IKBKB: variants seen among roughly 807,000 people sequenced by gnomAD.
IKBKB encodes the protein inhibitor of nuclear factor kappa B kinase subunit beta, also known as inhibitor of nuclear factor kappa-B kinase subunit beta.
IKBKB carries 42 observed loss-of-function variants against 113.6 expected under a neutral mutation model. The ratio of observed to expected loss-of-function variants is 0.37; its 90% confidence interval spans 0.29 to 0.48. IKBKB has a LOEUF of 0.48. Ranked by LOEUF, IKBKB falls within the 20% of genes least tolerant of loss-of-function variation. The pLI, the probability that IKBKB is intolerant of heterozygous loss-of-function variation, is 0.99. For synonymous variants in IKBKB, 296 were observed against 361.3 expected (o/e 0.82, Z 2.05); for missense variants, 673 against 939.7 (o/e 0.72, Z 3.71).
At chr8:42,298,050 A>T (rs1814271070) in intron 5 of IKBKB, 2 of 980,336 alleles carry the variant, frequency 2.0e-6, no homozygotes, top group Non-Finnish European at 2.4e-6. Flanking sequence ...ACTGCCACGT[A>T]ATGTGACCCT....
rs3810901 is a variant in IKBKB, at chr8:42,301,648, G to A, written c.389-3539G>A. ...GTATTGAAGAATAGATGACCACCCCGAAATGAGGAATAAAGTTTGTTTTGT... is the reference window on the plus strand; with the variant it reads ...GTATTGAAGAATAGATGACCACCCCAAAATGAGGAATAAAGTTTGTTTTGT... On this transcript the variant is annotated intron_variant, in intron 5 of 21. Transcript: ENST00000520810. Among the ~76,000 whole-genome samples, 1,264 of 152,284 alleles carry A rather than the reference G, an allele frequency of 8.3e-3. 19 individuals are homozygous for A. The highest frequency in any genetic ancestry group is 0.068 in the East Asian group (352 of 5,182).
intron 4 of IKBKB, 32 bp from the exon 5 acceptor site, chr8:42,293,399 TTTGTGACCACCA>T: frequency 6.2e-7 from 1 of 1,609,958 alleles, no homozygotes; most frequent in Non-Finnish European, 8.5e-7. Flanking sequence ...TTTCCGGTGG[TTTGTGACCACCA>T]GCTCTGATGC....
chr8:42,290,168 C>G lies in IKBKB; in HGVS notation c.213C>G (p.Pro71=). ...TTCCTCCTCCTAGGCTGACCCACCC[C>G]AATGTGGTGGCTGCCCGAGATGTCC... ...EIQIMRRLTH[P]NVVAARDVPE... The change falls in exon 4 of 22, where the codon CCC becomes CCG. Residue 71 remains proline (P), a synonymous_variant. Coordinates refer to ENST00000520810, the MANE Select transcript of IKBKB (RefSeq NM_001556.3). The G allele has an allele frequency of 6.2e-7, 1 of 1,613,564 alleles. No homozygotes were observed. The highest frequency in any genetic ancestry group is 8.5e-7 in the Non-Finnish European group (1 of 1,179,790).
At chr8:42,292,267 C>T (rs1157578423) in intron 4 of IKBKB, among the ~76,000 whole-genome samples, 1 of 152,210 alleles carries the variant, frequency 6.6e-6, no homozygotes, top group African/African-American at 2.4e-5. Flanking sequence ...TTACAGAGGG[C>T]TCTGAAGTGA....
intron 8 of IKBKB, among the ~76,000 whole-genome samples, chr8:42,312,166 G>A (rs1441478272): frequency 2.0e-5 from 3 of 152,190 alleles, no homozygotes; most frequent in Non-Finnish European, 4.4e-5. Flanking sequence ...GATTACAGGC[G>A]TGAGCCACCG....
chr8:42,321,129 C>T (rs562651688), intron 16 of IKBKB: 1 of 289,610 alleles, frequency 3.5e-6, no homozygotes, highest in Non-Finnish European at 6.4e-6. Flanking sequence ...GCAGCCTCTA[C>T]CCCTGTAGCA....
Position 42,274,789 on chromosome 8 carries a change from C to A in IKBKB, c.105+2584C>A, listed in dbSNP as rs1021611932. ...CTTAGGTGATCCCCGCCGGCGCGCC[C>A]CCCCCCCCCCCCGCCATCCCAGCCT... On this transcript the variant is annotated intron_variant, in intron 2 of 21. Transcript: ENST00000520810. 1.9e-4 allele frequency among the ~76,000 whole-genome samples: 5 copies of A among 26,462 alleles called. 1 individual carries two copies. Among genetic ancestry groups the A allele is most frequent in the African/African-American group, 1.8e-3 (3 of 1,654 alleles). 17.4% of individuals were successfully genotyped at this position (26,462 alleles called of 152,430 possible).
intron 4 of IKBKB, among the ~76,000 whole-genome samples, chr8:42,290,526 C>T (rs1423572028): frequency 1.3e-5 from 2 of 152,078 alleles, no homozygotes; most frequent in African/African-American, 2.4e-5. Flanking sequence ...TGGGATTACT[C>T]CAATGACAAG....
intron 9 of IKBKB, among the ~76,000 whole-genome samples, chr8:42,315,848 A>G (rs921580557): frequency 5.9e-5 from 9 of 152,062 alleles, no homozygotes; most frequent in Non-Finnish European, 1.2e-4. Context: ...TTTTTAGTAG[A>G]GATGGGGTTT....
At chr8:42,312,497 AT>A (rs1817905048) in intron 8 of IKBKB, among the ~76,000 whole-genome samples, 1 of 152,208 alleles carries the variant, frequency 6.6e-6, no homozygotes, top group South Asian at 2.1e-4. Context: ...AAATTTCACT[AT>A]CTTATCTCAG....
At chr8:42,315,725 C>T (rs1246994162) in intron 9 of IKBKB, among the ~76,000 whole-genome samples, 7 of 152,142 alleles carry the variant, frequency 4.6e-5, no homozygotes. Flanking sequence ...CAGTGTGGCA[C>T]AGTCTTGGCT....
Position 42,316,248 on chromosome 8 carries a change from T to C in IKBKB, c.839T>C (p.Met280Thr). 6.2e-7 allele frequency: 1 copy of C among 1,614,134 alleles called. No individual in the cohort carries two copies. The highest frequency in any genetic ancestry group is 8.5e-7 in the Non-Finnish European group (1 of 1,180,006). ...CGACTGGAGAAGTGGCTGCAACTGA[T>C]GCTGATGTGGCACCCCCGACAGAGG... ...AERLEKWLQL[M>T]LMWHPRQRGT... Residue 280 changes from methionine (M) to threonine (T), a missense_variant, in exon 10 of 22, where the codon ATG (methionine) becomes ACG (threonine). Met to Thr is a moderately conservative substitution (Grantham distance 81). This residue lies in a region of IKBKB where 506 missense variants were observed against 638.7 expected (regional missense o/e 0.79). Coordinates refer to ENST00000520810, the MANE Select transcript of IKBKB (RefSeq NM_001556.3). The surrounding 1 kb of genome is among the most constrained non-coding windows in gnomAD (Gnocchi z 4.5).
intron 3 of IKBKB, among the ~76,000 whole-genome samples, chr8:42,289,146 C>T (rs1045830928): frequency 5.3e-5 from 8 of 152,198 alleles, no homozygotes; most frequent in African/African-American, 1.4e-4. Flanking sequence ...ACCCAGGAGG[C>T]GGAGCTTGCA....
At position 42,274,789 on chromosome 8, in the gene IKBKB, C is replaced by T. The variant is rs1021611932; in HGVS notation, c.105+2584C>T. Among the ~76,000 whole-genome samples, 20 of 26,462 alleles carry T rather than the reference C, an allele frequency of 7.6e-4. 5 individuals are homozygous for T. 17.4% of individuals were successfully genotyped at this position (26,462 alleles called of 152,430 possible). A position where few individuals can be genotyped will look rare whatever the true frequency, so the allele number is the denominator to read the frequency against. ...CTTAGGTGATCCCCGCCGGCGCGCC[C>T]CCCCCCCCCCCCGCCATCCCAGCCT... On this transcript the variant is annotated intron_variant, in intron 2 of 21. Transcript: ENST00000520810.
In IKBKB at chr8:42,325,979, C is replaced by T. The variant is rs200511641; in HGVS notation, c.1996C>T (p.Arg666Cys). 19 of 1,614,058 alleles carry T rather than the reference C, an allele frequency of 1.2e-5. No individual in the cohort carries two copies. Among genetic ancestry groups the T allele is most frequent in the Non-Finnish European group, 5.9e-6 (7 of 1,180,028 alleles). Residue 666 changes from arginine (R) to cysteine (C), a missense_variant, in exon 20 of 22, where the codon CGT (arginine) becomes TGT (cysteine). This residue lies in a region of IKBKB where 506 missense variants were observed against 638.7 expected (regional missense o/e 0.79). Transcript: ENST00000520810. ...NLLKIACSKV[R>C]GPVSGSPDSM... ...TGATTTTGTCCCCTAGAGCAAGGTCCGTGGTCCTGTCAGTGGAAGCCCGGA... is the reference window on the plus strand; with the variant it reads ...TGATTTTGTCCCCTAGAGCAAGGTCTGTGGTCCTGTCAGTGGAAGCCCGGA...
chr8:42,291,344 G>C (rs943769200), intron 4 of IKBKB, among the ~76,000 whole-genome samples: 11 of 152,110 alleles, frequency 7.2e-5, no homozygotes, highest in African/African-American at 2.7e-4. Flanking sequence ...CCCACGCCTG[G>C]CTAATTTTTG....
chr8:42,317,655 A>G lies in IKBKB; in HGVS notation c.1126-2A>G. On this transcript the variant is annotated splice_acceptor_variant, in intron 11 of 21. Coordinates refer to ENST00000520810, the MANE Select transcript of IKBKB (RefSeq NM_001556.3). LOFTEE classifies it high-confidence loss of function. ...ATTCATTTTGTCCTTGTCCCTTTGC[A>G]GTTAAATGAGGGCCACACATTGGAC... The G allele has an allele frequency of 6.3e-7, 1 of 1,586,358 alleles. No individual in the cohort carries two copies. Among genetic ancestry groups the G allele is most frequent in the Non-Finnish European group, 8.7e-7 (1 of 1,154,630 alleles).
Position 42,329,147 on chromosome 8 carries a change from A to G in IKBKB, c.2138A>G (p.His713Arg). The change falls in exon 21 of 22, where the codon CAT (histidine) becomes CGT (arginine). Residue 713 changes from histidine (H) to arginine (R), a missense_variant. This residue lies in a region of IKBKB where 506 missense variants were observed against 638.7 expected (regional missense o/e 0.79). Coordinates refer to ENST00000520810, the MANE Select transcript of IKBKB (RefSeq NM_001556.3). ...AGTGAAGAACTGGTGGCTGAAGCAC[A>G]TAACCTCTGCACCCTGCTAGAAAAT... ...KKSEELVAEA[H>R]NLCTLLENAI... The G allele has an allele frequency of 6.2e-7, 1 of 1,604,784 alleles. No individual in the cohort carries two copies. The highest frequency in any genetic ancestry group is 1.7e-5 in the Admixed American group (1 of 57,650).
At chr8:42,295,116 C>CTTTTTT (rs903163193) in intron 5 of IKBKB, among the ~76,000 whole-genome samples, 5 of 113,794 alleles carry the variant, frequency 4.4e-5, no homozygotes, top group Non-Finnish European at 7.4e-5. Context: ...TTACGAAAGT[C>CTTTTTT]TTTTTTTTTT....
Sources: gnomAD v4.1 joint callset for allele counts (sites outside exome capture counted in the v4.1 genomes callset) on GRCh38, gnomAD v4.1.1 for gene constraint, gnomAD v4.1.1 regional missense constraint, Gnocchi (gnomAD v3.1) non-coding constraint, MANE v1.5 for transcripts, NCBI Gene and HGNC (gene_info 2026-07-23, HGNC 2026-07-21) for gene names.